HHLA1: variants seen among roughly 807,000 people sequenced by gnomAD.
HHLA1 encodes the protein HHLA1 neighbor of OC90.
Under a neutral mutation model 69.9 loss-of-function variants are expected in HHLA1, and 72 were observed. That is an observed-to-expected ratio of 1.03 (90% CI 0.85 to 1.25). The LOEUF (loss-of-function observed/expected upper bound fraction) is 1.25. HHLA1 is among the 50% of genes most tolerant of loss of function. The pLI is 0.00. For synonymous variants in HHLA1, 252 were observed against 233.2 expected (o/e 1.08, Z -0.73); for missense variants, 685 against 642.2 (o/e 1.07, Z -0.72).
At chr8:132,075,260 A>G (rs989946823) in intron 14 of HHLA1, among the ~76,000 whole-genome samples, 4 of 152,230 alleles carry the variant, frequency 2.6e-5, no homozygotes, top group Non-Finnish European at 2.9e-5. Flanking sequence ...CCCTGTTGAC[A>G]TATGACTGGA....
At chr8:132,110,507 G>T (rs1010392549) in intron 1 of HHLA1, among the ~76,000 whole-genome samples, 5 of 152,186 alleles carry the variant, frequency 3.3e-5, no homozygotes, top group Non-Finnish European at 5.9e-5. Context: ...CATCTGATGT[G>T]CTAGGAGTTT....
rs1486816777 is a variant in HHLA1 at position 132,095,773 on chromosome 8, G to T, written c.294C>A (p.Phe98Leu). The T allele has an allele frequency of 1.3e-6, 2 of 1,549,944 alleles. No individual in the cohort carries two copies. The highest frequency in any genetic ancestry group is 2.0e-5 in the Admixed American group (1 of 50,786). Residue 98 changes from phenylalanine to leucine, a missense_variant, in exon 6 of 17, where the codon TTC (phenylalanine) becomes TTA (leucine). Phe to Leu is a conservative substitution (Grantham distance 22). Coordinates refer to ENST00000414222, the MANE Select transcript of HHLA1 (RefSeq NM_001145095.3). ...AGGAAGTGACACTCAGCAAGGAGAA[G>T]AACTTCTTGCTATCTGCCAAAACAT... Reference protein sequence around the residue: ...LSRALKDSKKFFSLLSVTSYS... With the variant: ...LSRALKDSKKLFSLLSVTSYS...
chr8:132,101,912 C>T (rs1563749701), intron 3 of HHLA1, among the ~76,000 whole-genome samples: 1 of 152,190 alleles, frequency 6.6e-6, no homozygotes, highest in Admixed American at 6.5e-5. Context: ...GTATTGTTAC[C>T]TATTGTTATT....
intron 16 of HHLA1, among the ~76,000 whole-genome samples, chr8:132,064,916 G>A (rs150050469): frequency 1.1e-4 from 17 of 152,284 alleles, no homozygotes; most frequent in African/African-American, 2.6e-4. Flanking sequence ...ACACTGTTTC[G>A]TTTGTTTGTT....
intron 1 of HHLA1, 22 bp from the exon 2 acceptor site, chr8:132,105,308 C>T: frequency 1.4e-6 from 2 of 1,439,682 alleles, no homozygotes; most frequent in Non-Finnish European, 1.9e-6. Flanking sequence ...CAAGCAAACA[C>T]TTAGGAAACT....
At chr8:132,080,662 G>A (rs1270455241) in intron 10 of HHLA1, 3 of 153,350 alleles carry the variant, frequency 2.0e-5, no homozygotes, top group Non-Finnish European at 4.3e-5. Flanking sequence ...GGTTGCGATG[G>A]CTTGGCTTGG....
chr8:132,067,142 G>A (rs1377579441), intron 15 of HHLA1, among the ~76,000 whole-genome samples: 5 of 152,178 alleles, frequency 3.3e-5, no homozygotes, highest in African/African-American at 4.8e-5. Flanking sequence ...AGCTGGGACC[G>A]CAGAGCTGAA....
At chr8:132,085,839 A>C (rs1823851697) in intron 10 of HHLA1, among the ~76,000 whole-genome samples, 1 of 143,556 alleles carries the variant, frequency 7.0e-6, no homozygotes, top group Non-Finnish European at 1.5e-5. Context: ...AGTTAAGGCA[A>C]GGACCGGCCA....
intron 14 of HHLA1, among the ~76,000 whole-genome samples, chr8:132,073,117 T>C (rs1001176393): frequency 3.9e-5 from 6 of 152,194 alleles, no homozygotes; most frequent in Non-Finnish European, 8.8e-5. Flanking sequence ...TTTTTCAAAA[T>C]TATAATTTAG....
chr8:132,069,240 T>C (rs962945144), intron 15 of HHLA1, among the ~76,000 whole-genome samples: 5 of 152,208 alleles, frequency 3.3e-5, no homozygotes, highest in South Asian at 4.1e-4. Flanking sequence ...TATTCCTCCA[T>C]AAAGCCCTAT....
chr8:132,064,699 A>T (rs1823406713), intron 16 of HHLA1, among the ~76,000 whole-genome samples: 1 of 152,176 alleles, frequency 6.6e-6, no homozygotes, highest in Admixed American at 6.5e-5. Flanking sequence ...GGAAACACAG[A>T]GAAGAGCCAG....
At chr8:132,081,732 G>A (rs1823755666) in intron 10 of HHLA1, among the ~76,000 whole-genome samples, 1 of 152,180 alleles carries the variant, frequency 6.6e-6, no homozygotes, top group Non-Finnish European at 1.5e-5. Context: ...AGGGCATGTT[G>A]AGTAAAGCTA....
At chr8:132,100,393 A>C (rs1824093310) in intron 3 of HHLA1, among the ~76,000 whole-genome samples, 1 of 152,108 alleles carries the variant, frequency 6.6e-6, no homozygotes, top group South Asian at 2.1e-4. Context: ...AATTTACCCC[A>C]CTCTTTAACC....
chr8:132,073,204 C>T (rs1174010666), intron 14 of HHLA1, among the ~76,000 whole-genome samples: 1 of 152,128 alleles, frequency 6.6e-6, no homozygotes, highest in Non-Finnish European at 1.5e-5. Flanking sequence ...GTCTGAAACT[C>T]CTGGGCTCAT....
At chr8:132,075,610 G>A (rs984786743) in intron 14 of HHLA1, among the ~76,000 whole-genome samples, 1 of 152,312 alleles carries the variant, frequency 6.6e-6, no homozygotes, top group Admixed American at 6.5e-5. Flanking sequence ...GTTGCATTTT[G>A]CAGTCATCTT....
chr8:132,075,761 C>A (rs1000086107), intron 14 of HHLA1, among the ~76,000 whole-genome samples: 2 of 152,228 alleles, frequency 1.3e-5, no homozygotes, highest in Non-Finnish European at 2.9e-5. Context: ...CTCTATACTT[C>A]CAAACCACTT....
In HHLA1 at chr8:132,095,859, T is replaced by G. The variant is rs1381331571; in HGVS notation, c.281-73A>C. 26 of 834,310 alleles carry G rather than the reference T, an allele frequency of 3.1e-5. No individual in the cohort carries two copies. In the East Asian group the frequency reaches 6.1e-4, roughly 20 times the overall value. The allele number at this position is 834,310 out of a possible 1,614,324, so 51.7% of individuals were successfully genotyped here. On this transcript the variant is annotated intron_variant, in intron 5 of 16. Transcript: ENST00000414222. ...AACAATAATACAAATAAGTAAACAG[T>G]CCCTAGAAATTAACAATGCCAATAA...
chr8:132,101,852 G>A (rs62521343), intron 3 of HHLA1, among the ~76,000 whole-genome samples: 17 of 152,186 alleles, frequency 1.1e-4, no homozygotes, highest in African/African-American at 3.6e-4. Flanking sequence ...GATTACAGGC[G>A]TGAGCCACTG....
rs149873663 is a variant in HHLA1, at chr8:132,080,080, A to G, written c.677-114T>C. ...ATGTGGAGATTCAAACCTTTCTCTAATTAAAAGTATCAGGCATTTGCTATG... is the reference window on the plus strand; with the variant it reads ...ATGTGGAGATTCAAACCTTTCTCTAGTTAAAAGTATCAGGCATTTGCTATG... On this transcript the variant is annotated intron_variant, in intron 10 of 16. Coordinates refer to ENST00000414222, the MANE Select transcript of HHLA1 (RefSeq NM_001145095.3). The G allele has an allele frequency of 7.4e-6, 10 of 1,355,332 alleles. No homozygotes were observed. In the Admixed American group the frequency reaches 1.4e-4, roughly 19 times the overall value. 84.0% of individuals were successfully genotyped at this position (1,355,332 alleles called of 1,614,324 possible).
Sources: gnomAD v4.1 joint callset for allele counts (sites outside exome capture counted in the v4.1 genomes callset) on GRCh38, gnomAD v4.1.1 for gene constraint, MANE v1.5 for transcripts, NCBI Gene and HGNC (gene_info 2026-07-23, HGNC 2026-07-21) for gene names.